The following VIPR2 variants were observed in gnomAD, a reference collection of about 807,000 sequenced individuals.
VIPR2 encodes vasoactive intestinal peptide receptor 2.
Under a neutral mutation model 58.0 loss-of-function variants are expected in VIPR2, and 48 were observed. The ratio of observed to expected loss-of-function variants is 0.83; its 90% CI spans 0.66 to 1.05. VIPR2 has a LOEUF of 1.05. Ranked by LOEUF, VIPR2 falls within the 50% of genes least tolerant of loss-of-function variation. The probability of loss-of-function intolerance (pLI) is 0.00; values close to 1 mark genes in which losing one functional copy is unlikely to be tolerated. For missense variants in VIPR2, 534 were observed against 558.0 expected (o/e 0.96, Z 0.43); for synonymous variants, 243 against 235.2 (o/e 1.03, Z -0.30).
At chr7:159,105,646 T>C (rs1858601807) in intron 3 of VIPR2, among the ~76,000 whole-genome samples, 1 of 152,008 alleles carries the variant, frequency 6.6e-6, no homozygotes, top group Non-Finnish European at 1.5e-5. Flanking sequence ...AATCAGGGGC[T>C]CTGACTACAA....
intron 2 of VIPR2, among the ~76,000 whole-genome samples, chr7:159,118,888 G>A (rs921120642): frequency 6.6e-6 from 1 of 152,176 alleles, no homozygotes; most frequent in Non-Finnish European, 1.5e-5. Context: ...CTGGGTGTGC[G>A]GCACAGCGCT....
intron 2 of VIPR2, among the ~76,000 whole-genome samples, chr7:159,124,858 G>T (rs1313271827): frequency 1.3e-5 from 2 of 152,086 alleles, no homozygotes; most frequent in Non-Finnish European, 2.9e-5. Flanking sequence ...CACCTCCCTG[G>T]TTAGCTGTAT....
chr7:159,086,676 G>A (rs1244221268), intron 4 of VIPR2, among the ~76,000 whole-genome samples: 1 of 152,224 alleles, frequency 6.6e-6, no homozygotes, highest in Non-Finnish European at 1.5e-5. Flanking sequence ...CCATGGCCAG[G>A]TGTTGTGCCC....
At chr7:159,057,898 C>A (rs1474577862) in intron 5 of VIPR2, among the ~76,000 whole-genome samples, 2 of 152,164 alleles carry the variant, frequency 1.3e-5, no homozygotes, top group Non-Finnish European at 2.9e-5. Flanking sequence ...GAAGAGTGGG[C>A]AGCATTTAAT....
chr7:159,069,097 C>T (rs1165553090), intron 4 of VIPR2, among the ~76,000 whole-genome samples: 1 of 152,178 alleles, frequency 6.6e-6, no homozygotes, highest in East Asian at 1.9e-4. Flanking sequence ...TCTGCAGGTA[C>T]TCCTCACAGG....
intron 3 of VIPR2, among the ~76,000 whole-genome samples, chr7:159,107,349 T>C (rs1467354322): frequency 6.6e-6 from 1 of 152,198 alleles, no homozygotes; most frequent in African/African-American, 2.4e-5. Context: ...TCCTGGCCCC[T>C]GAGCATGGGG....
chr7:159,064,051 C>T (rs1585398620), intron 4 of VIPR2, among the ~76,000 whole-genome samples: 3 of 152,060 alleles, frequency 2.0e-5, no homozygotes, highest in Admixed American at 2.0e-4. Flanking sequence ...CAGGCTCAGG[C>T]AGCACTGAGG....
At chr7:159,065,768 G>A (rs547279350) in intron 4 of VIPR2, among the ~76,000 whole-genome samples, 9 of 152,284 alleles carry the variant, frequency 5.9e-5, no homozygotes, top group South Asian at 4.1e-4. Flanking sequence ...GAAACCCTCC[G>A]CCCAGAAAGT....
rs1853619697 is a variant in VIPR2, at chr7:159,031,979, T to G, written c.1060A>C (p.Lys354Gln). Residue 354 changes from lysine to glutamine, a missense_variant, in exon 11 of 13, where the codon AAA becomes CAA. Lys to Gln is a moderately conservative substitution (Grantham distance 53). Coordinates refer to ENST00000262178, the MANE Select transcript of VIPR2 (RefSeq NM_003382.5). The surrounding 1 kb of genome is among the most constrained non-coding windows in gnomAD (Gnocchi z 4.0). ...FAVFPISISS[K>Q]YQILFELCLG... ...CACAGCTCAAACAGTATCTGGTATT[T>G]GGAGGAGATGCTGATGGGAAACACG... is the stretch of plus-strand genomic sequence containing the variant. 1 of 1,613,988 alleles carries G rather than the reference T, an allele frequency of 6.2e-7. No homozygotes were observed. The highest frequency in any genetic ancestry group is 8.5e-7 in the Non-Finnish European group (1 of 1,180,026).
chr7:159,035,621 G>A (rs981591463), intron 8 of VIPR2: 12 of 934,756 alleles, frequency 1.3e-5, no homozygotes, highest in Admixed American at 6.2e-5. Context: ...ACTTTGCTCC[G>A]GGTAAACAAC....
intron 9 of VIPR2, 121 bp downstream of exon 9, chr7:159,034,460 C>T: frequency 7.6e-7 from 1 of 1,309,074 alleles, no homozygotes; most frequent in South Asian, 1.3e-5. Context: ...AGGTCCTTTT[C>T]CGGGAAGGCT....
intron 2 of VIPR2, among the ~76,000 whole-genome samples, chr7:159,117,575 G>A (rs1027641846): frequency 6.6e-6 from 1 of 152,214 alleles, no homozygotes; most frequent in African/African-American, 2.4e-5. Flanking sequence ...CGCAGCTCAT[G>A]CTCTCTTTGG....
intron 4 of VIPR2, among the ~76,000 whole-genome samples, chr7:159,081,042 T>C (rs1353811693): frequency 6.6e-6 from 1 of 152,152 alleles, no homozygotes; most frequent in African/African-American, 2.4e-5. Flanking sequence ...GCCATACTGC[T>C]CAAGGTAATT....
intron 2 of VIPR2, among the ~76,000 whole-genome samples, chr7:159,123,316 G>GA (rs1796537846): frequency 1.1e-5 from 1 of 87,562 alleles, no homozygotes; most frequent in Non-Finnish European, 2.4e-5. Context: ...AAAAAAAAAA[G>GA]AAAGAAAAAA....
Position 159,105,288 on chromosome 7 carries a change from C to T in VIPR2, c.260-1434G>A, listed in dbSNP as rs537286499. On this transcript the variant is annotated intron_variant, in intron 3 of 12. Transcript: ENST00000262178. Reference sequence around the variant, plus strand: ...AGGAGGCCGGACCCCTCCATGCACTCCTGGCACAGCCAGAGCGGAGCCCCT... The same window carrying T: ...AGGAGGCCGGACCCCTCCATGCACTTCTGGCACAGCCAGAGCGGAGCCCCT... Among the ~76,000 whole-genome samples the T allele has an allele frequency of 5.9e-5, 9 of 152,336 alleles. No homozygotes were observed. The South Asian group carries it at 1.9e-3, about 32-fold the overall frequency.
chr7:159,078,337 C>T (rs73730153), intron 4 of VIPR2, among the ~76,000 whole-genome samples: 7,009 of 152,154 alleles, frequency 0.046, 283 homozygotes, highest in African/African-American at 0.11. Context: ...GCTCACACCA[C>T]GTAGAAGCCT....
Position 159,103,819 on chromosome 7 carries a change from AC to A in VIPR2, c.294del (p.Trp98CysfsTer29). 6.2e-7 allele frequency: 1 copy of A among 1,614,142 alleles called. No homozygotes were observed. Among genetic ancestry groups the A allele is most frequent in the Non-Finnish European group, 8.5e-7 (1 of 1,180,002 alleles). On this transcript the variant is annotated frameshift_variant, in exon 4 of 13. Coordinates refer to ENST00000262178, the MANE Select transcript of VIPR2 (RefSeq NM_003382.5). LOFTEE classifies it high-confidence loss of function. The part of the protein sequence containing the change: ...NISKNCTSDG[W>X]SETFPDFVDA... ...TCGACGAAATCTGGGAACGTCTCTG[AC>A]CATCCGTCACTCGTACAGTTTTTGC...
intron 2 of VIPR2, among the ~76,000 whole-genome samples, chr7:159,119,427 C>T (rs3793238): frequency 0.027 from 4,046 of 152,286 alleles, 73 homozygotes; most frequent in East Asian, 0.088. Context: ...GCCTGCGTCT[C>T]CAGACTCGGA....
chr7:159,050,680 G>A (rs938991932), intron 5 of VIPR2, among the ~76,000 whole-genome samples: 1 of 152,108 alleles, frequency 6.6e-6, no homozygotes, highest in Non-Finnish European at 1.5e-5. Flanking sequence ...CATGGGAAAT[G>A]TAGTTTTAGG....
Sources: allele counts gnomAD v4.1 joint callset (sites outside exome capture counted in the v4.1 genomes callset), GRCh38; gene constraint gnomAD v4.1.1; non-coding constraint Gnocchi (gnomAD v3.1); transcripts MANE v1.5; gene names NCBI Gene and HGNC (gene_info 2026-07-23, HGNC 2026-07-21).